CDK5RAP2: variants seen among roughly 807,000 people sequenced by gnomAD.
The protein encoded by CDK5RAP2 is CDK5 regulatory subunit-associated protein 2.
A neutral mutation model predicts 232.9 loss-of-function variants in CDK5RAP2; 147 were observed. The ratio of observed to expected loss-of-function variants is 0.63; its 90% CI spans 0.55 to 0.72. The LOEUF is 0.72. CDK5RAP2 is among the 30% of genes least tolerant of loss of function. CDK5RAP2 has a pLI of 0.00. For missense variants in CDK5RAP2, 2,195 were observed against 2,231.5 expected (o/e 0.98, Z 0.33); for synonymous variants, 833 against 833.7 (o/e 1.00, Z 0.01).
At chr9:120,514,829 T>C (rs1054024718) in intron 12 of CDK5RAP2, among the ~76,000 whole-genome samples, 29 of 152,222 alleles carry the variant, frequency 1.9e-4, no homozygotes, top group Non-Finnish European at 3.7e-4. Context: ...CGTATACATG[T>C]TATGTAGCAA....
Position 120,527,842 on chromosome 9 carries a change from C to T in CDK5RAP2, c.963G>A (p.Gln321=). ...TTGATTTTAATGCCATGGTTAAACC[C>T]TGAATGGCTTTATCCCTCTTTAGAC... ...KNSLKRDKAI[Q]GLTMALKSKE... Residue 321 remains glutamine, a synonymous_variant, in exon 10 of 38, where the codon CAG becomes CAA. Transcript: ENST00000349780. 1 of 1,613,804 alleles carries T rather than the reference C, an allele frequency of 6.2e-7. No individual in the cohort carries two copies. The highest frequency in any genetic ancestry group is 8.5e-7 in the Non-Finnish European group (1 of 1,179,908).
At chr9:120,426,248 C>A (rs2034893768) in intron 25 of CDK5RAP2, among the ~76,000 whole-genome samples, 1 of 152,132 alleles carries the variant, frequency 6.6e-6, no homozygotes, top group Non-Finnish European at 1.5e-5. Context: ...TTTATTTTGC[C>A]AAGGTTATGG....
rs565186960 is a variant in CDK5RAP2 at position 120,388,968 on chromosome 9, C to T, written c.*268G>A. ...GGGGAAGACGTGAAGCCCACCAAGG[C>T]GCACAGCCTCAACTCCGGTGCCTGC... On this transcript the variant is annotated 3_prime_UTR_variant, in exon 38 of 38. Transcript: ENST00000349780. The T allele has an allele frequency of 7.2e-6, 4 of 557,690 alleles. No homozygotes were observed. The highest frequency in any genetic ancestry group is 1.9e-5 in the African/African-American group (1 of 53,268). 34.5% of individuals were successfully genotyped at this position (557,690 alleles called of 1,614,324 possible). A position where few individuals can be genotyped will look rare whatever the true frequency, so the allele number is the denominator to read the frequency against.
chr9:120,507,768 C>G (rs1418504737), intron 12 of CDK5RAP2, among the ~76,000 whole-genome samples: 1 of 151,536 alleles, frequency 6.6e-6, no homozygotes, highest in Non-Finnish European at 1.5e-5. Context: ...ACAGCAAGAC[C>G]TGTATGATGA....
At chr9:120,540,173 A>G (rs1417002048) in intron 5 of CDK5RAP2, among the ~76,000 whole-genome samples, 2 of 152,124 alleles carry the variant, frequency 1.3e-5, no homozygotes, top group Non-Finnish European at 2.9e-5. Flanking sequence ...GCAGGACTAC[A>G]ACCACCGATG....
chr9:120,566,391 C>T (rs562766469), intron 3 of CDK5RAP2, among the ~76,000 whole-genome samples: 1 of 152,110 alleles, frequency 6.6e-6, no homozygotes, highest in Non-Finnish European at 1.5e-5. Context: ...CAAAGGACTA[C>T]AGTCATAAAG....
chr9:120,563,907 G>A (rs1216627053), intron 3 of CDK5RAP2, among the ~76,000 whole-genome samples: 1 of 152,188 alleles, frequency 6.6e-6, no homozygotes, highest in Non-Finnish European at 1.5e-5. Context: ...TTCAACAACA[G>A]GAATAAGGGC....
Position 120,464,396 on chromosome 9 carries a change from G to A in CDK5RAP2, c.2106+3464C>T, listed in dbSNP as rs140716116. Among the ~76,000 whole-genome samples the A allele has an allele frequency of 2.1e-3, 320 of 152,274 alleles. 3 individuals are homozygous for A. The highest frequency in any genetic ancestry group is 7.3e-3 in the African/African-American group (305 of 41,554). On this transcript the variant is annotated intron_variant, in intron 18 of 37. Transcript: ENST00000349780. The stretch of plus-strand genomic sequence containing the variant: ...CTCTGGATTACATCCTAGACAGGGC[G>A]GGGACATGTGTGCTCATAGTTTTAA...
At chr9:120,438,092 C>T (rs949080384) in intron 24 of CDK5RAP2, among the ~76,000 whole-genome samples, 1 of 152,198 alleles carries the variant, frequency 6.6e-6, no homozygotes, top group Non-Finnish European at 1.5e-5. Flanking sequence ...GAAGAATAAA[C>T]TGACTGCAAA....
chr9:120,575,290 T>A, intron 1 of CDK5RAP2, among the ~76,000 whole-genome samples: 1 of 151,982 alleles, frequency 6.6e-6, no homozygotes, highest in Non-Finnish European at 1.5e-5. Flanking sequence ...TGAGCTCAGG[T>A]GACCTGACCG....
chr9:120,569,459 G>A (rs879720141), intron 2 of CDK5RAP2, among the ~76,000 whole-genome samples: 15 of 151,946 alleles, frequency 9.9e-5, no homozygotes, highest in Admixed American at 9.9e-4. Flanking sequence ...GGTGGTTAAG[G>A]AAGGTCTCAA....
intron 36 of CDK5RAP2, among the ~76,000 whole-genome samples, chr9:120,394,195 C>T (rs906999718): frequency 1.3e-5 from 2 of 152,194 alleles, no homozygotes; most frequent in Non-Finnish European, 2.9e-5. Flanking sequence ...GTCTAAGACG[C>T]CCACCTTGCC....
In CDK5RAP2 at chr9:120,422,688, C is replaced by G; in HGVS notation, c.4004+5G>C. 1 of 1,608,950 alleles carries G rather than the reference C, an allele frequency of 6.2e-7. No homozygotes were observed. Among genetic ancestry groups the G allele is most frequent in the Non-Finnish European group, 8.5e-7 (1 of 1,175,316 alleles). On this transcript the variant is annotated splice_donor_5th_base_variant and intron_variant, in intron 26 of 37. Coordinates refer to ENST00000349780, the MANE Select transcript of CDK5RAP2 (RefSeq NM_018249.6). ...AAGTCTTCTTAACAAATGTTACACA[C>G]TCACCTCTCCATCAGTTCATTCTGG...
intron 32 of CDK5RAP2, chr9:120,406,709 T>A (rs141463206): frequency 5.0e-6 from 2 of 396,452 alleles, no homozygotes; most frequent in African/African-American, 4.0e-5. Context: ...AATTTCAGCA[T>A]CAAAGTGATG....
intron 14 of CDK5RAP2, among the ~76,000 whole-genome samples, chr9:120,480,175 T>C (rs16909810): frequency 0.068 from 10,345 of 152,258 alleles, 632 homozygotes; most frequent in East Asian, 0.29. Flanking sequence ...CGTCAAGAAA[T>C]TGGGGCTGCA....
At chr9:120,494,799 C>A in intron 12 of CDK5RAP2, among the ~76,000 whole-genome samples, 1 of 96,716 alleles carries the variant, frequency 1.0e-5, no homozygotes, top group South Asian at 2.8e-4. Context: ...GCGCCGCGGG[C>A]TGGGGTCGGT....
chr9:120,422,606 GA>G (rs2034631103), intron 26 of CDK5RAP2, 86 bp downstream of exon 26: 5 of 1,007,124 alleles, frequency 5.0e-6, no homozygotes, highest in Admixed American at 1.7e-5. Context: ...AACAGAATGG[GA>G]AGGAGCCAAA....
At chr9:120,560,471 T>C (rs1034536892) in intron 3 of CDK5RAP2, among the ~76,000 whole-genome samples, 5 of 152,246 alleles carry the variant, frequency 3.3e-5, no homozygotes, top group Non-Finnish European at 7.3e-5. Flanking sequence ...GTGCTGATCC[T>C]GGCTGTTGCT....
intron 14 of CDK5RAP2, among the ~76,000 whole-genome samples, chr9:120,483,604 T>C (rs2038440586): frequency 1.3e-5 from 2 of 152,212 alleles, no homozygotes; most frequent in Admixed American, 1.3e-4. Context: ...ACCAAAAGAA[T>C]CTTAACTAAT....
Sources: gnomAD v4.1 joint callset for allele counts (sites outside exome capture counted in the v4.1 genomes callset) on GRCh38, gnomAD v4.1.1 for gene constraint, MANE v1.5 for transcripts, NCBI Gene and HGNC (gene_info 2026-07-23, HGNC 2026-07-21) for gene names.